Variants in ARMH3 observed in about 807,000 individuals in gnomAD.
ARMH3 encodes the protein armadillo-like helical domain-containing protein 3.
ARMH3 carries 60 observed loss-of-function variants against 99.1 expected under a neutral mutation model. The observed-to-expected ratio is 0.61, with a 90% CI of 0.49 to 0.75. ARMH3 has a LOEUF of 0.75. Among genes scored for constraint, ARMH3 ranks in the 30% least tolerant of loss-of-function variants. The pLI is 0.00. For missense variants in ARMH3, 679 were observed against 843.1 expected (o/e 0.81, Z 2.41); for synonymous variants, 285 against 292.8 (o/e 0.97, Z 0.27).
chr10:101,932,176 A>T (rs1239865247), intron 23 of ARMH3, among the ~76,000 whole-genome samples: 1 of 152,226 alleles, frequency 6.6e-6, no homozygotes, highest in Non-Finnish European at 1.5e-5. Context: ...CTAGTTATTT[A>T]AAAAAATGAA....
Position 101,966,174 on chromosome 10 carries a change from C to T in ARMH3, c.1496-8442G>A, listed in dbSNP as rs1204792493. 2.7e-5 allele frequency among the ~76,000 whole-genome samples: 4 copies of T among 148,710 alleles called. No homozygotes were observed. The East Asian group carries it at 7.8e-4, about 29-fold the overall frequency. On this transcript the variant is annotated intron_variant, in intron 20 of 25. Coordinates refer to ENST00000370033, the MANE Select transcript of ARMH3 (RefSeq NM_024541.3). Reference sequence around the variant, plus strand: ...CTGGAGTGGTGCAGTGGTGCAATCCCGGCTCACTGCAACCTCCACCTCCCG... The same window carrying T: ...CTGGAGTGGTGCAGTGGTGCAATCCTGGCTCACTGCAACCTCCACCTCCCG...
At chr10:101,882,732 C>T (rs529035768) in intron 24 of ARMH3, among the ~76,000 whole-genome samples, 1 of 152,256 alleles carries the variant, frequency 6.6e-6, no homozygotes, top group Admixed American at 6.5e-5. Context: ...CTCCTGACCT[C>T]GTGATCTGCC....
intron 23 of ARMH3, among the ~76,000 whole-genome samples, chr10:101,938,407 C>T (rs1844087279): frequency 6.6e-6 from 1 of 152,108 alleles, no homozygotes; most frequent in Admixed American, 6.5e-5. Context: ...GCTTGATGGC[C>T]CTTGGGAAGA....
At chr10:101,904,595 C>T (rs1380716806) in intron 23 of ARMH3, among the ~76,000 whole-genome samples, 1 of 151,988 alleles carries the variant, frequency 6.6e-6, no homozygotes, top group Non-Finnish European at 1.5e-5. Context: ...GCCTTTCGGC[C>T]GTCTTCCTGT....
intron 22 of ARMH3, among the ~76,000 whole-genome samples, chr10:101,951,400 T>C (rs1844779739): frequency 6.6e-6 from 1 of 151,900 alleles, no homozygotes; most frequent in Admixed American, 6.6e-5. Flanking sequence ...GGCAACCTCA[T>C]CTATACAAAA....
intron 23 of ARMH3, among the ~76,000 whole-genome samples, chr10:101,921,818 G>C (rs1027699194): frequency 6.6e-6 from 1 of 152,196 alleles, no homozygotes; most frequent in Non-Finnish European, 1.5e-5. Flanking sequence ...GACACCAGAG[G>C]CTGGCTGGGA....
intron 24 of ARMH3, among the ~76,000 whole-genome samples, chr10:101,860,840 T>TA (rs1274757814): frequency 2.0e-5 from 3 of 152,198 alleles, no homozygotes; most frequent in Non-Finnish European, 4.4e-5. Context: ...AAGGCTACTT[T>TA]AAACTAACCC....
intron 14 of ARMH3, among the ~76,000 whole-genome samples, chr10:102,002,551 G>A (rs1433563121): frequency 1.3e-5 from 2 of 151,978 alleles, no homozygotes; most frequent in Non-Finnish European, 2.9e-5. Context: ...TAGGCTGGAC[G>A]TACCCATGAT....
intron 8 of ARMH3, among the ~76,000 whole-genome samples, chr10:102,017,035 G>A (rs1489766087): frequency 2.0e-5 from 3 of 152,108 alleles, no homozygotes; most frequent in African/African-American, 7.2e-5. Flanking sequence ...GCTTAGTTGG[G>A]TACCCAACCT....
At chr10:101,942,865 CAAAAAAA>C (rs1048644026) in intron 22 of ARMH3, among the ~76,000 whole-genome samples, 1 of 91,102 alleles carries the variant, frequency 1.1e-5, no homozygotes, top group African/African-American at 4.7e-5. Context: ...GACTCCATCT[CAAAAAAA>C]AAAAAAAAAA....
chr10:101,870,849 G>A (rs2067115289), intron 24 of ARMH3, among the ~76,000 whole-genome samples: 1 of 152,078 alleles, frequency 6.6e-6, no homozygotes, highest in African/African-American at 2.4e-5. Context: ...TGAAGTGGGA[G>A]GATCACCTGA....
intron 22 of ARMH3, among the ~76,000 whole-genome samples, chr10:101,943,639 G>A (rs952851489): frequency 6.6e-6 from 1 of 151,994 alleles, no homozygotes; most frequent in African/African-American, 2.4e-5. Context: ...AACCAGGCAT[G>A]CAAAGAAACA....
At chr10:101,989,513 G>C (rs1269953904) in intron 19 of ARMH3, among the ~76,000 whole-genome samples, 2 of 152,148 alleles carry the variant, frequency 1.3e-5, no homozygotes, top group Admixed American at 6.6e-5. Context: ...CTGAAGTCAG[G>C]AGTTAGAGAC....
At chr10:102,030,937 C>T (rs938165230) in intron 4 of ARMH3, among the ~76,000 whole-genome samples, 2 of 151,952 alleles carry the variant, frequency 1.3e-5, no homozygotes. Flanking sequence ...AGGTGTGCAC[C>T]ACCACGCCTG....
intron 23 of ARMH3, among the ~76,000 whole-genome samples, chr10:101,927,131 C>T (rs1482917307): frequency 6.6e-6 from 1 of 152,134 alleles, no homozygotes; most frequent in Non-Finnish European, 1.5e-5. Context: ...TAATTAAAAG[C>T]TTAGCAGAAT....
intron 5 of ARMH3, among the ~76,000 whole-genome samples, chr10:102,027,870 T>C (rs1439144935): frequency 1.3e-5 from 2 of 151,754 alleles, no homozygotes; most frequent in Non-Finnish European, 2.9e-5. Flanking sequence ...TATTTTAAAT[T>C]TAATGAGTGA....
At chr10:101,918,304 T>A (rs761491173) in intron 23 of ARMH3, among the ~76,000 whole-genome samples, 1 of 152,198 alleles carries the variant, frequency 6.6e-6, no homozygotes, top group Non-Finnish European at 1.5e-5. Flanking sequence ...TCCGCTGCCC[T>A]CGGCCTCCCA....
At chr10:102,020,866 A>AAG (rs2066869834) in intron 8 of ARMH3, among the ~76,000 whole-genome samples, 1 of 150,526 alleles carries the variant, frequency 6.6e-6, no homozygotes, top group African/African-American at 2.4e-5. Flanking sequence ...AAAAAAAAAA[A>AAG]GTCTATAGTA....
intron 21 of ARMH3, 100 bp from the exon 22 acceptor site, chr10:101,956,823 G>T: frequency 8.1e-7 from 1 of 1,240,670 alleles, no homozygotes; most frequent in Non-Finnish European, 1.1e-6. Flanking sequence ...TGCAAGAGTT[G>T]ACTGTAAAAT....
Sources: allele counts gnomAD v4.1 joint callset (sites outside exome capture counted in the v4.1 genomes callset), GRCh38; gene constraint gnomAD v4.1.1; transcripts MANE v1.5; gene names NCBI Gene and HGNC (gene_info 2026-07-23, HGNC 2026-07-21).